GNAL: variants seen among roughly 807,000 people sequenced by gnomAD.
GNAL encodes G protein subunit alpha L, also known as guanine nucleotide-binding protein G(olf) subunit alpha.
GNAL carries 18 observed loss-of-function variants against 55.1 expected under a neutral mutation model. That is an observed-to-expected ratio of 0.33 (90% confidence interval 0.23 to 0.48). The LOEUF is 0.48. Ranked by LOEUF, GNAL falls within the 20% of genes least tolerant of loss-of-function variation. The pLI is 0.99. For missense variants in GNAL, 412 were observed against 614.1 expected (o/e 0.67, Z 3.48); for synonymous variants, 253 against 237.0 (o/e 1.07, Z -0.62).
intron 5 of GNAL, among the ~76,000 whole-genome samples, chr18:11,862,096 A>G (rs907075294): frequency 2.6e-5 from 4 of 151,894 alleles, no homozygotes; most frequent in African/African-American, 9.7e-5. Flanking sequence ...GGGAGGCTCC[A>G]TGCTCTCTCC....
At chr18:11,863,976 T>C (rs1389053466) in intron 6 of GNAL, among the ~76,000 whole-genome samples, 1 of 152,168 alleles carries the variant, frequency 6.6e-6, no homozygotes, top group Non-Finnish European at 1.5e-5. Flanking sequence ...CTTGCAGACA[T>C]GATTTTAAGT....
At chr18:11,851,844 T>G in intron 5 of GNAL, 2 of 1,613,978 alleles carry the variant, frequency 1.2e-6, no homozygotes, top group Middle Eastern at 3.3e-4. Context: ...TGGAGAAGAT[T>G]TCTGCTTTGA....
At chr18:11,827,768 G>A (rs1379510401) in intron 5 of GNAL, among the ~76,000 whole-genome samples, 1 of 151,938 alleles carries the variant, frequency 6.6e-6, no homozygotes, top group East Asian at 1.9e-4. Context: ...TCAGGAGATC[G>A]AGACCATCCT....
rs143949846 is a variant in GNAL, at chr18:11,793,722, G to A, written c.625-31196G>A. Among the ~76,000 whole-genome samples the A allele has an allele frequency of 2.1e-3, 322 of 152,060 alleles. 3 individuals are homozygous for A. Among genetic ancestry groups the A allele is most frequent in the African/African-American group, 7.0e-3 (292 of 41,430 alleles). On this transcript the variant is annotated intron_variant, in intron 4 of 11. Transcript: ENST00000334049. ...AGGCAGATCACAAGGTCAGGAGATCGAGACCATCCTGGCCAACATGGCGAA... is the reference window on the plus strand; with the variant it reads ...AGGCAGATCACAAGGTCAGGAGATCAAGACCATCCTGGCCAACATGGCGAA...
chr18:11,859,821 C>T (rs937398059), intron 5 of GNAL, among the ~76,000 whole-genome samples: 3 of 151,464 alleles, frequency 2.0e-5, no homozygotes, highest in Non-Finnish European at 2.9e-5. Flanking sequence ...TCTCGGCTCA[C>T]TACAACCTCT....
At chr18:11,786,436 CTTTT>C (rs66803403) in intron 4 of GNAL, among the ~76,000 whole-genome samples, 61 of 60,676 alleles carry the variant, frequency 1.0e-3, no homozygotes, top group African/African-American at 3.8e-3. Flanking sequence ...CATACGTTTT[CTTTT>C]TTTTTTTTTT....
intron 1 of GNAL, among the ~76,000 whole-genome samples, chr18:11,717,880 A>C (rs9989518): frequency 0.012 from 1,891 of 152,222 alleles, 38 homozygotes; most frequent in African/African-American, 0.043. Context: ...GTACAATAAA[A>C]CCTCAAGACA....
At chr18:11,816,644 T>C (rs1226799415) in intron 4 of GNAL, among the ~76,000 whole-genome samples, 4 of 151,784 alleles carry the variant, frequency 2.6e-5, no homozygotes, top group Admixed American at 2.6e-4. Flanking sequence ...TGAAACCCTG[T>C]CTCTACTAAA....
At chr18:11,857,863 G>T in intron 5 of GNAL, 1 of 287,308 alleles carries the variant, frequency 3.5e-6, no homozygotes, top group Non-Finnish European at 5.2e-6. Context: ...GAGTATCTGG[G>T]ATCCATCTAT....
chr18:11,835,318 AT>A (rs147786543), intron 5 of GNAL, among the ~76,000 whole-genome samples: 2,398 of 150,270 alleles, frequency 0.016, 62 homozygotes, highest in African/African-American at 0.056. Context: ...TAGATCTGTG[AT>A]TTTTTTTTTA....
At chr18:11,813,073 C>G (rs1332241281) in intron 4 of GNAL, among the ~76,000 whole-genome samples, 2 of 151,728 alleles carry the variant, frequency 1.3e-5, no homozygotes, top group Non-Finnish European at 2.9e-5. Context: ...GGCCAACATG[C>G]TGAAACCCCA....
chr18:11,788,914 A>AAAATATATAT lies in GNAL; in HGVS notation c.624+34970_624+34971insAATATATATA, dbSNP rs60071996. Among the ~76,000 whole-genome samples, 38 of 56,282 alleles carry AAAATATATAT rather than the reference A, an allele frequency of 6.8e-4. 1 individual carries two copies. The highest frequency in any genetic ancestry group is 9.6e-4 in the South Asian group (1 of 1,044). 36.9% of individuals were successfully genotyped at this position (56,282 alleles called of 152,430 possible). A position where few individuals can be genotyped will look rare whatever the true frequency, so the allele number is the denominator to read the frequency against. On this transcript the variant is annotated intron_variant, in intron 4 of 11. Coordinates refer to ENST00000334049, the MANE Select transcript of GNAL (RefSeq NM_182978.4). ...TCCGTCTCGAAAAAAAAAAAAAAAA[A>AAAATATATAT]ATATATATATATATATATATATACA...
Position 11,819,047 on chromosome 18 carries a change from A to C in GNAL, c.625-5871A>C, listed in dbSNP as rs1471452045. 3.3e-5 allele frequency among the ~76,000 whole-genome samples: 5 copies of C among 152,190 alleles called. No homozygotes were observed. The East Asian group carries it at 9.6e-4, about 29-fold the overall frequency. Reference sequence around the variant, plus strand: ...ACCCCACAGCCGCCAGACAGACGGCACCACACTCACGTCAAGTGATGGGAA... The same window carrying C: ...ACCCCACAGCCGCCAGACAGACGGCCCCACACTCACGTCAAGTGATGGGAA... On this transcript the variant is annotated intron_variant, in intron 4 of 11. Transcript: ENST00000334049.
chr18:11,848,205 T>C (rs2035779568), intron 5 of GNAL, among the ~76,000 whole-genome samples: 1 of 152,104 alleles, frequency 6.6e-6, no homozygotes, highest in Non-Finnish European at 1.5e-5. Context: ...ATGGATCCTA[T>C]TGAACACCGT....
chr18:11,876,839 G>A (rs2036543509), intron 11 of GNAL, 151 bp downstream of exon 11: 1 of 644,392 alleles, frequency 1.6e-6, no homozygotes, highest in African/African-American at 1.8e-5. Flanking sequence ...TCACAGCTGA[G>A]CACACCGAGG....
At position 11,774,512 on chromosome 18, in the gene GNAL, C is replaced by T. The variant is rs377113506; in HGVS notation, c.624+20567C>T. 1.5e-4 allele frequency among the ~76,000 whole-genome samples: 23 copies of T among 152,282 alleles called. No individual in the cohort carries two copies. In the East Asian group the frequency reaches 2.9e-3, roughly 19 times the overall value. On this transcript the variant is annotated intron_variant, in intron 4 of 11. Transcript: ENST00000334049. ...ATTGGCTTGATACCAATGAAAATGG[C>T]GACCACTGCTTGAACAGCACTTCAT... is the stretch of plus-strand genomic sequence containing the variant.
intron 1 of GNAL, among the ~76,000 whole-genome samples, chr18:11,695,322 A>G (rs1227632605): frequency 6.6e-6 from 1 of 152,232 alleles, no homozygotes. Flanking sequence ...CCGCTGATCT[A>G]ACCTGGGTCA....
intron 4 of GNAL, among the ~76,000 whole-genome samples, chr18:11,808,721 C>T (rs2034728450): frequency 6.6e-6 from 1 of 152,178 alleles, no homozygotes; most frequent in African/African-American, 2.4e-5. Context: ...CAGCATTACT[C>T]AATAATAGCC....
At chr18:11,807,521 C>T (rs1389520477) in intron 4 of GNAL, among the ~76,000 whole-genome samples, 2 of 152,188 alleles carry the variant, frequency 1.3e-5, no homozygotes, top group African/African-American at 2.4e-5. Flanking sequence ...TAAGCCGGGC[C>T]GTGGGGGGAA....
Sources: gnomAD v4.1 joint callset for allele counts (sites outside exome capture counted in the v4.1 genomes callset) on GRCh38, gnomAD v4.1.1 for gene constraint, MANE v1.5 for transcripts, NCBI Gene and HGNC (gene_info 2026-07-23, HGNC 2026-07-21) for gene names.